The following RAD51B variants were observed in gnomAD, a reference collection of about 807,000 sequenced individuals.
RAD51B encodes the protein RAD51 paralog B.
In RAD51B, 38 loss-of-function variants were observed where a neutral mutation model predicts 42.2. The observed-to-expected ratio is 0.90, with a 90% CI of 0.70 to 1.18. The LOEUF (loss-of-function observed/expected upper bound fraction) is 1.18. Among genes scored for constraint, RAD51B ranks in the 50% most tolerant of loss-of-function variants. RAD51B has a pLI of 0.00. For synonymous variants in RAD51B, 154 were observed against 145.2 expected (o/e 1.06, Z -0.43); for missense variants, 373 against 400.7 (o/e 0.93, Z 0.59).
At chr14:68,631,528 G>A (rs920969963) in intron 10 of RAD51B, among the ~76,000 whole-genome samples, 1 of 152,208 alleles carries the variant, frequency 6.6e-6, no homozygotes, top group African/African-American at 2.4e-5. Context: ...TAGAATGGAT[G>A]GAACTTGACT....
chr14:68,494,329 A>G (rs1349498911), intron 10 of RAD51B, among the ~76,000 whole-genome samples: 1 of 151,906 alleles, frequency 6.6e-6, no homozygotes, highest in African/African-American at 2.4e-5. Context: ...GCTCTATTAG[A>G]AAAAGGGTGG....
intron 3 of RAD51B, 107 bp downstream of exon 3, chr14:67,825,684 A>T: frequency 1.3e-6 from 1 of 782,188 alleles, no homozygotes; most frequent in Non-Finnish European, 1.9e-6. Flanking sequence ...GTACCTCAAA[A>T]ATACTGAGTT....
chr14:68,682,265 C>G (rs1249094526), intron 11 of RAD51B, among the ~76,000 whole-genome samples: 2 of 152,182 alleles, frequency 1.3e-5, no homozygotes, highest in Non-Finnish European at 2.9e-5. Flanking sequence ...CAATCTGTCT[C>G]CGGTAAACCT....
At chr14:68,613,454 T>C (rs1891749877), downstream of RAD51B, among the ~76,000 whole-genome samples, 1 of 122,196 alleles carries the variant, frequency 8.2e-6, no homozygotes, top group Non-Finnish European at 1.8e-5. Context: ...GTTGTTCTTT[T>C]TTTCTTTTTT....
chr14:67,841,384 T>C (rs1482547521), intron 4 of RAD51B, among the ~76,000 whole-genome samples: 2 of 152,182 alleles, frequency 1.3e-5, no homozygotes, highest in Non-Finnish European at 2.9e-5. Context: ...CGTCCATTTA[T>C]TCTGTTGATA....
At chr14:68,640,475 A>G (rs1278628103) in intron 10 of RAD51B, among the ~76,000 whole-genome samples, 1 of 152,212 alleles carries the variant, frequency 6.6e-6, no homozygotes, top group Admixed American at 6.5e-5. Flanking sequence ...TGTAAGAAAC[A>G]TTTATTGTAT....
exon 11 of RAD51B, chr14:68,595,686 T>C: frequency 2.1e-6 from 2 of 936,572 alleles, no homozygotes; most frequent in Non-Finnish European, 2.6e-6. Context: ...CATATGGTAT[T>C]GGTTAAATTA....
intron 4 of RAD51B, among the ~76,000 whole-genome samples, chr14:67,859,651 A>C (rs1166486569): frequency 6.6e-6 from 1 of 152,204 alleles, no homozygotes; most frequent in African/African-American, 2.4e-5. Flanking sequence ...GTGACACATA[A>C]CTCAGTATCT....
intron 4 of RAD51B, among the ~76,000 whole-genome samples, chr14:67,863,812 T>C (rs2042237140): frequency 6.6e-6 from 1 of 152,228 alleles, no homozygotes; most frequent in Non-Finnish European, 1.5e-5. Context: ...TAGTTCATTC[T>C]CACATTGCTA....
chr14:68,545,451 T>C lies in RAD51B; in HGVS notation c.1037-49034T>C, dbSNP rs1290092863. On this transcript the variant is annotated intron_variant, in intron 10 of 10. Transcript: ENST00000487270. ...ACTCCACTGGCATGTTTCAGGCACC[T>C]GCTGTGTGCCAGGCATTTTTTTTCA... The C allele has an allele frequency of 1.0e-5, 4 of 401,140 alleles. No homozygotes were observed. In the East Asian group the frequency reaches 2.9e-4, roughly 29 times the overall value. 24.8% of individuals were successfully genotyped at this position (401,140 alleles called of 1,614,324 possible).
chr14:68,666,606 A>G (rs1893037197), intron 11 of RAD51B, among the ~76,000 whole-genome samples: 1 of 152,190 alleles, frequency 6.6e-6, no homozygotes, highest in African/African-American at 2.4e-5. Flanking sequence ...AAATTATTAA[A>G]CAACCAGACC....
At chr14:68,564,949 C>T (rs1266442177) in intron 10 of RAD51B, among the ~76,000 whole-genome samples, 2 of 152,240 alleles carry the variant, frequency 1.3e-5, no homozygotes, top group East Asian at 3.8e-4. Flanking sequence ...CCACCAGGTT[C>T]CCACTGGGTG....
At chr14:67,912,094 C>A (rs2044003055) in intron 7 of RAD51B, among the ~76,000 whole-genome samples, 1 of 152,162 alleles carries the variant, frequency 6.6e-6, no homozygotes, top group African/African-American at 2.4e-5. Flanking sequence ...AAAAGCAAAG[C>A]ATATTTTAAA....
chr14:68,455,613 G>A (rs1594863404), intron 9 of RAD51B, among the ~76,000 whole-genome samples: 1 of 152,042 alleles, frequency 6.6e-6, no homozygotes, highest in Admixed American at 6.6e-5. Flanking sequence ...CCAGCTACTC[G>A]GGAGGCTGAG....
chr14:67,885,691 C>T, intron 5 of RAD51B, 178 bp from the exon 6 acceptor site: 1 of 650,042 alleles, frequency 1.5e-6, no homozygotes, highest in Middle Eastern at 5.2e-4. Flanking sequence ...GACTGCTAAC[C>T]TCTGTTAGTG....
intron 10 of RAD51B, among the ~76,000 whole-genome samples, chr14:68,587,685 C>T (rs1016513798): frequency 3.9e-5 from 6 of 152,238 alleles, no homozygotes; most frequent in African/African-American, 7.2e-5. Flanking sequence ...TCCTCCACAG[C>T]TTCTGAGCTG....
chr14:68,166,265 A>C (rs2078748670), intron 7 of RAD51B, among the ~76,000 whole-genome samples: 1 of 151,926 alleles, frequency 6.6e-6, no homozygotes, highest in African/African-American at 2.4e-5. Flanking sequence ...AACTAATGAA[A>C]GTATAAAGTT....
At chr14:68,064,611 C>T (rs902307934) in intron 7 of RAD51B, among the ~76,000 whole-genome samples, 2 of 151,938 alleles carry the variant, frequency 1.3e-5, no homozygotes, top group African/African-American at 4.8e-5. Context: ...AATGGTGTCC[C>T]AAAGTCTTGT....
At chr14:68,284,232 A>G (rs2081374224) in intron 7 of RAD51B, among the ~76,000 whole-genome samples, 1 of 152,166 alleles carries the variant, frequency 6.6e-6, no homozygotes, top group South Asian at 2.1e-4. Flanking sequence ...AAATTATTTC[A>G]AGTTGCTCCT....
Sources: allele counts gnomAD v4.1 joint callset (sites outside exome capture counted in the v4.1 genomes callset), GRCh38; gene constraint gnomAD v4.1.1; transcripts MANE v1.5; gene names NCBI Gene and HGNC (gene_info 2026-07-23, HGNC 2026-07-21).